RNH1: variants seen among roughly 807,000 people sequenced by gnomAD.
The protein encoded by RNH1 is ribonuclease inhibitor.
Under a neutral mutation model 46.1 loss-of-function variants are expected in RNH1, and 38 were observed. The observed-to-expected ratio is 0.82, with a 90% CI of 0.64 to 1.08. The LOEUF is 1.08. Among genes scored for constraint, RNH1 ranks in the 50% least tolerant of loss-of-function variants. The probability of loss-of-function intolerance (pLI) is 0.00; values close to 1 mark genes in which losing one functional copy is unlikely to be tolerated. For synonymous variants in RNH1, 319 were observed against 279.1 expected (o/e 1.14, Z -1.43); for missense variants, 577 against 590.7 (o/e 0.98, Z 0.24).
chr11:498,438 C>G lies in RNH1; in HGVS notation c.956+19G>C. The stretch of plus-strand genomic sequence containing the variant: ...CCCTCTCTTGGGCGACAGGGCCCTG[C>G]CCCGACAGCCACACTCACCACAGCG... On this transcript the variant is annotated intron_variant, in intron 8 of 10. Transcript: ENST00000354420. The G allele has an allele frequency of 1.2e-6, 2 of 1,609,700 alleles. No individual in the cohort carries two copies. Among genetic ancestry groups the G allele is most frequent in the South Asian group, 2.2e-5 (2 of 90,966 alleles).
At chr11:500,819 G>T in intron 3 of RNH1, 165 bp from the exon 4 acceptor site, 1 of 874,544 alleles carries the variant, frequency 1.1e-6, no homozygotes, top group Non-Finnish European at 1.8e-6. Context: ...ACTGTTCCAT[G>T]AAAGTTTTGT....
In RNH1 at chr11:495,067, G is replaced by A. The variant is rs376102960; in HGVS notation, c.1128-14C>T. On this transcript the variant is annotated splice_polypyrimidine_tract_variant and intron_variant, in intron 9 of 10. Coordinates refer to ENST00000354420, the MANE Select transcript of RNH1 (RefSeq NM_203387.3). ...CAGTCGGCCAACCTGGGTGAAGCAG[G>A]GCGGGGGTCAGGGTGCCGGGCGTGC... 9.4e-6 allele frequency: 15 copies of A among 1,600,312 alleles called. No homozygotes were observed. The highest frequency in any genetic ancestry group is 1.1e-5 in the South Asian group (1 of 89,370).
intron 4 of RNH1, 78 bp from the exon 5 acceptor site, chr11:500,077 G>A (rs531508851): frequency 1.4e-5 from 20 of 1,428,300 alleles, no homozygotes; most frequent in South Asian, 8.3e-5. Flanking sequence ...CCCAGAGCCC[G>A]GAGCAGCACT....
chr11:504,092 T>C (rs1487748058), intron 2 of RNH1, among the ~76,000 whole-genome samples: 1 of 152,186 alleles, frequency 6.6e-6, no homozygotes, highest in Non-Finnish European at 1.5e-5. Context: ...TTTCTCAACC[T>C]TACGGAGGGA....
intron 4 of RNH1, 115 bp downstream of exon 4, chr11:500,369 T>C: frequency 4.1e-6 from 5 of 1,221,072 alleles, no homozygotes; most frequent in Non-Finnish European, 4.5e-6. Flanking sequence ...AAATGTCTGC[T>C]GCCACTGCCT....
At chr11:496,526 T>G (rs954200950) in intron 9 of RNH1, among the ~76,000 whole-genome samples, 3 of 152,080 alleles carry the variant, frequency 2.0e-5, no homozygotes, top group African/African-American at 4.8e-5. Flanking sequence ...AAAATTAGCC[T>G]GGTGTGGTGA....
chr11:498,749 CG>C lies in RNH1; in HGVS notation c.785+13del, dbSNP rs768569895. The C allele has an allele frequency of 1.1e-5, 18 of 1,592,238 alleles. No homozygotes were observed. Among genetic ancestry groups the C allele is most frequent in the Non-Finnish European group, 1.5e-5 (17 of 1,172,082 alleles). On this transcript the variant is annotated intron_variant, in intron 7 of 10. Transcript: ENST00000354420. The stretch of plus-strand genomic sequence containing the variant: ...CCGACCCTCCGGGAAGGAGGCCTCG[CG>C]GAGATGACTCACCACAGGGTCCTGA...
At chr11:495,550 G>A (rs1003593248) in intron 9 of RNH1, among the ~76,000 whole-genome samples, 19 of 152,320 alleles carry the variant, frequency 1.2e-4, no homozygotes, top group South Asian at 2.1e-4. Context: ...CCCACTTCCC[G>A]GGGTGGAGCC....
chr11:500,475 C>G lies in RNH1; in HGVS notation c.272+9G>C, dbSNP rs1590746311. On this transcript the variant is annotated intron_variant, in intron 4 of 10. Coordinates refer to ENST00000354420, the MANE Select transcript of RNH1 (RefSeq NM_203387.3). ...ACCAGGCCAGAGGCAGTGCCAGGCC[C>G]CGCCTCACCTCAGCTTCTGGATCTT... 2 of 1,601,612 alleles carry G rather than the reference C, an allele frequency of 1.2e-6. No homozygotes were observed. The highest frequency in any genetic ancestry group is 2.7e-5 in the African/African-American group (2 of 74,790).
rs946801048 is a variant in RNH1 at position 499,491 on chromosome 11, C to T, written c.444-306G>A. The T allele has an allele frequency of 3.2e-5, 22 of 694,992 alleles. 1 individual carries two copies. In the Admixed American group the frequency reaches 3.2e-4, roughly 10 times the overall value. The allele number at this position is 694,992 out of a possible 1,614,324, so 43.1% of individuals were successfully genotyped here. A position where few individuals can be genotyped will look rare whatever the true frequency, so the allele number is the denominator to read the frequency against. Reference sequence around the variant, plus strand: ...CACGTCCCAGGCTGTGGTCAACTCACAATGGCCGGGTCCCCCACACACACT... The same window carrying T: ...CACGTCCCAGGCTGTGGTCAACTCATAATGGCCGGGTCCCCCACACACACT... On this transcript the variant is annotated intron_variant, in intron 5 of 10. Transcript: ENST00000354420.
chr11:498,967 G>GA (rs1565026600), intron 6 of RNH1, 34 bp from the exon 7 acceptor site: 2 of 1,611,098 alleles, frequency 1.2e-6, no homozygotes, highest in Admixed American at 3.3e-5. Context: ...GGCAGCACGG[G>GA]ACCCCCCCTA....
chr11:498,567 G>A lies in RNH1; in HGVS notation c.846C>T (p.Ala282=). 1 of 1,613,128 alleles carries A rather than the reference G, an allele frequency of 6.2e-7. No individual in the cohort carries two copies. The highest frequency in any genetic ancestry group is 8.5e-7 in the Non-Finnish European group (1 of 1,180,028). The change falls in exon 8 of 11, where the codon GCC becomes GCT. Residue 282 remains alanine (A), a synonymous_variant. Transcript: ENST00000354420. ...GGCTGAGCTCCTTCAGGCTCTCCTT[G>A]GCCCTGAGGACACGGCACAGATCCC... ...GCGDLCRVLR[A]KESLKELSLA... is the part of the protein sequence containing the mutation.
At position 499,971 on chromosome 11, in the gene RNH1, C is replaced by G. The variant is rs746153951; in HGVS notation, c.301G>C (p.Gly101Arg). Residue 101 changes from glycine to arginine, a missense_variant, in exon 5 of 11, where the codon GGC becomes CGC. Gly to Arg is a moderately radical substitution (Grantham distance 125). Transcript: ENST00000354420. The part of the protein sequence containing the change: ...SLQNCCLTGA[G>R]CGVLSSTLRT... ...AGTGTGCTGGACAGGACCCCGCAGCCGGCCCCCGTCAGGCAGCAGTTCTGG... is the reference window on the plus strand; with the variant it reads ...AGTGTGCTGGACAGGACCCCGCAGCGGGCCCCCGTCAGGCAGCAGTTCTGG... 6.3e-6 allele frequency: 10 copies of G among 1,589,044 alleles called. No individual in the cohort carries two copies. Among genetic ancestry groups the G allele is most frequent in the Non-Finnish European group, 8.6e-6 (10 of 1,169,048 alleles).
chr11:499,672 G>A, intron 5 of RNH1, 157 bp downstream of exon 5: 1 of 863,814 alleles, frequency 1.2e-6, no homozygotes, highest in Non-Finnish European at 1.8e-6. Flanking sequence ...GCACCACAAG[G>A]CCCCAGACCC....
In RNH1 at chr11:498,594, G is replaced by A. The variant is rs370842876; in HGVS notation, c.819C>T (p.Cys273=). Reference sequence around the variant, plus strand: ...CCCTGAGGACACGGCACAGATCCCCGCAGCCCTTGGCAGTGATGCCACACT... The same window carrying A: ...CCCTGAGGACACGGCACAGATCCCCACAGCCCTTGGCAGTGATGCCACACT... ...IWECGITAKG[C]GDLCRVLRAK... The change falls in exon 8 of 11, where the codon TGC becomes TGT. Residue 273 remains cysteine, a synonymous_variant. Transcript: ENST00000354420. 82 of 1,612,680 alleles carry A rather than the reference G, an allele frequency of 5.1e-5. No homozygotes were observed. Among genetic ancestry groups the A allele is most frequent in the Middle Eastern group, 1.6e-4 (1 of 6,062 alleles).
Position 502,167 on chromosome 11 carries a change from G to A in RNH1, c.-5C>T, listed in dbSNP as rs753850117. ...GCTCTGGATGTCCAGGCTCATGGTG[G>A]AGGTGAAGAGTGGCCTGGGTGGGAG... is the stretch of plus-strand genomic sequence containing the variant. On this transcript the variant is annotated 5_prime_UTR_variant, in exon 3 of 11. Coordinates refer to ENST00000354420, the MANE Select transcript of RNH1 (RefSeq NM_203387.3). The surrounding 1 kb of genome is among the most constrained non-coding windows in gnomAD (Gnocchi z 5.8). The A allele has an allele frequency of 1.9e-6, 3 of 1,605,418 alleles. No individual in the cohort carries two copies. The highest frequency in any genetic ancestry group is 2.2e-5 in the South Asian group (2 of 89,908).
At chr11:495,142 G>A (rs900136375) in intron 9 of RNH1, 89 bp from the exon 10 acceptor site, 49 of 1,341,574 alleles carry the variant, frequency 3.7e-5, no homozygotes, top group African/African-American at 8.8e-5. Context: ...GGGGCGCGAC[G>A]GACACCTGTG....
chr11:494,932 G>C lies in RNH1; in HGVS notation c.1249C>G (p.Gln417Glu), dbSNP rs773329735. 1.1e-5 allele frequency: 18 copies of C among 1,610,292 alleles called. No individual in the cohort carries two copies. In the South Asian group the frequency reaches 1.9e-4, roughly 17 times the overall value. The change falls in exon 10 of 11, where the codon CAG (glutamine) becomes GAG (glutamate). Residue 417 changes from glutamine to glutamate, a missense_variant. Transcript: ENST00000354420. ...NNCLGDAGIL[Q>E]LVESVRQPGC... The stretch of plus-strand genomic sequence containing the variant: ...GGCTGCCGGACGCTCTCCACCAGCT[G>C]CAGGATGCCGGCGTCCCCCAGGCAG...
rs1232673076 is a variant in RNH1 at position 502,532 on chromosome 11, C to A, written c.-87-283G>T. 9.0e-6 allele frequency: 3 copies of A among 334,798 alleles called. No individual in the cohort carries two copies. The highest frequency in any genetic ancestry group is 6.2e-5 in the African/African-American group (3 of 48,080). 20.7% of individuals were successfully genotyped at this position (334,798 alleles called of 1,614,324 possible). ...ACAGCAGCAGCCCGGGAAGCCCCTGCCTCTCATTTGCTTGGGCAAGGACAG... is the reference window on the plus strand; with the variant it reads ...ACAGCAGCAGCCCGGGAAGCCCCTGACTCTCATTTGCTTGGGCAAGGACAG... On this transcript the variant is annotated intron_variant, in intron 2 of 10. Coordinates refer to ENST00000354420, the MANE Select transcript of RNH1 (RefSeq NM_203387.3). This position sits in a 1 kb window ranked among gnomAD's most constrained non-coding sequence, Gnocchi z 5.8.
Sources: allele counts gnomAD v4.1 joint callset (sites outside exome capture counted in the v4.1 genomes callset), GRCh38; gene constraint gnomAD v4.1.1; non-coding constraint Gnocchi (gnomAD v3.1); transcripts MANE v1.5; gene names NCBI Gene and HGNC (gene_info 2026-07-23, HGNC 2026-07-21).